The following CRB1 variants were observed in gnomAD, a reference collection of about 807,000 sequenced individuals.
CRB1 encodes crumbs cell polarity complex component 1, also known as protein crumbs homolog 1.
CRB1 carries 83 observed loss-of-function variants against 120.0 expected under a neutral mutation model. That is an observed-to-expected ratio of 0.69 (90% confidence interval 0.58 to 0.83). The LOEUF (loss-of-function observed/expected upper bound fraction) is 0.83, where lower values mean the gene tolerates loss of function less well. Ranked by LOEUF, CRB1 falls within the 40% of genes least tolerant of loss-of-function variation. The pLI, the probability that CRB1 is intolerant of heterozygous loss-of-function variation, is 0.00. For missense variants in CRB1, 1,699 were observed against 1,687.6 expected, an observed-to-expected ratio of 1.01 and a Z score of -0.12; for synonymous variants, 625 against 612.5, an observed-to-expected ratio of 1.02 and a Z score of -0.30.
At chr1:197,389,837 A>G (rs1345544294) in intron 5 of CRB1, among the ~76,000 whole-genome samples, 1 of 152,040 alleles carries the variant, frequency 6.6e-6, no homozygotes, top group Non-Finnish European at 1.5e-5. Flanking sequence ...ATTTTGTTGC[A>G]GTTTCTAAAG....
At chr1:197,449,362 A>G (rs899280588) in intron 11 of CRB1, among the ~76,000 whole-genome samples, 1 of 151,812 alleles carries the variant, frequency 6.6e-6, no homozygotes, top group African/African-American at 2.4e-5. Context: ...TATTATTATT[A>G]TTTTATTTTA....
intron 11 of CRB1, among the ~76,000 whole-genome samples, chr1:197,447,677 AC>A (rs1326072750): frequency 1.3e-5 from 2 of 151,738 alleles, no homozygotes; most frequent in African/African-American, 4.8e-5. Flanking sequence ...CCCCTTTCTG[AC>A]AAAAAAAAAG....
At chr1:197,359,795 T>C (rs565749828) in intron 5 of CRB1, among the ~76,000 whole-genome samples, 3 of 152,334 alleles carry the variant, frequency 2.0e-5, no homozygotes, top group Admixed American at 6.5e-5. Flanking sequence ...GTCATGTTGA[T>C]AGGTATGCAG....
chr1:197,357,447 A>G (rs369599005), intron 5 of CRB1: 3 of 229,486 alleles, frequency 1.3e-5, no homozygotes, highest in Admixed American at 5.2e-5. Context: ...TTCTGTAGCT[A>G]AAGTCATTCC....
chr1:197,448,680 C>T (rs1665816245), intron 11 of CRB1, among the ~76,000 whole-genome samples: 1 of 152,164 alleles, frequency 6.6e-6, no homozygotes, highest in Admixed American at 6.5e-5. Context: ...AATTTCAGAT[C>T]TTGTATAGAC....
intron 5 of CRB1, among the ~76,000 whole-genome samples, chr1:197,379,272 A>C (rs1661810089): frequency 6.6e-6 from 1 of 152,104 alleles, no homozygotes; most frequent in Admixed American, 6.5e-5. Context: ...GATTCTTAGG[A>C]GATATTTAAA....
At chr1:197,352,630 C>T (rs755034693) in intron 4 of CRB1, among the ~76,000 whole-genome samples, 3 of 150,330 alleles carry the variant, frequency 2.0e-5, no homozygotes, top group African/African-American at 7.4e-5. Context: ...ATCTTTGTTG[C>T]GGGGGGTCAC....
chr1:197,405,088 C>G (rs1663277223), intron 5 of CRB1, among the ~76,000 whole-genome samples: 1 of 151,718 alleles, frequency 6.6e-6, no homozygotes, highest in Admixed American at 6.6e-5. Context: ...CCACGGTCTC[C>G]CTCTCCCTCT....
intron 5 of CRB1, among the ~76,000 whole-genome samples, chr1:197,395,299 C>T (rs1384900950): frequency 6.6e-6 from 1 of 152,074 alleles, no homozygotes; most frequent in Non-Finnish European, 1.5e-5. Context: ...TTTCTTCTGA[C>T]CTCCAAGTAA....
intron 7 of CRB1, chr1:197,428,942 A>G (rs1197571904): frequency 1.3e-6 from 2 of 1,516,860 alleles, no homozygotes; most frequent in East Asian, 4.9e-5. Flanking sequence ...CCTTGTGAGA[A>G]CTCAAATAAT....
the CRB1 span, among the ~76,000 whole-genome samples, chr1:197,204,202 C>G: frequency 6.6e-6 from 1 of 152,176 alleles, no homozygotes; most frequent in Non-Finnish European, 1.5e-5. Context: ...TTGATGGGCA[C>G]TTGGGCTGGT....
chr1:197,457,704 C>A (rs1666348182), intron 11 of CRB1, among the ~76,000 whole-genome samples: 1 of 152,108 alleles, frequency 6.6e-6, no homozygotes, highest in Non-Finnish European at 1.5e-5. Context: ...AAGCTTCGTG[C>A]AGAAGATATT....
At chr1:197,287,486 C>T (rs897962907) in intron 1 of CRB1, among the ~76,000 whole-genome samples, 2 of 151,720 alleles carry the variant, frequency 1.3e-5, no homozygotes, top group South Asian at 2.1e-4. Flanking sequence ...AATAGGTCAA[C>T]GGTAGAGAGT....
the CRB1 span, among the ~76,000 whole-genome samples, chr1:197,214,975 A>G: frequency 6.6e-6 from 1 of 152,224 alleles, no homozygotes; most frequent in Admixed American, 6.5e-5. Context: ...AAACATATTA[A>G]AAGGATCACA....
At chr1:197,444,532 A>G (rs564765139) in intron 11 of CRB1, 1 of 152,198 alleles carries the variant, frequency 6.6e-6, no homozygotes, top group Non-Finnish European at 1.5e-5. Context: ...TCCCTTCTAG[A>G]CATACCTGTA....
the CRB1 span, among the ~76,000 whole-genome samples, chr1:197,249,127 T>A: frequency 1.3e-5 from 2 of 151,922 alleles, no homozygotes; most frequent in Non-Finnish European, 2.9e-5. Flanking sequence ...AAGTGTTGCA[T>A]ACACACCATA....
intron 1 of CRB1, among the ~76,000 whole-genome samples, chr1:197,304,663 C>G (rs1657061410): frequency 6.6e-6 from 1 of 152,230 alleles, no homozygotes. Context: ...ATTAAAAACA[C>G]TTGGAAGGCA....
At chr1:197,201,762 G>C in the CRB1 span, among the ~76,000 whole-genome samples, 1 of 152,138 alleles carries the variant, frequency 6.6e-6, no homozygotes, top group Non-Finnish European at 1.5e-5. Context: ...ACCTACTGGC[G>C]TGCACGAAAG....
At chr1:197,252,395 A>G in the CRB1 span, among the ~76,000 whole-genome samples, 5 of 150,496 alleles carry the variant, frequency 3.3e-5, no homozygotes, top group Non-Finnish European at 7.4e-5. Flanking sequence ...TTCATGCCCT[A>G]TATGGCTATA....
Sources: gnomAD v4.1 joint callset for allele counts (sites outside exome capture counted in the v4.1 genomes callset) on GRCh38, gnomAD v4.1.1 for gene constraint, MANE v1.5 for transcripts, NCBI Gene and HGNC (gene_info 2026-07-23, HGNC 2026-07-21) for gene names.